The following DNAH14 variants were observed in gnomAD, a reference collection of about 807,000 sequenced individuals.
DNAH14 encodes the protein dynein axonemal heavy chain 14, also known as axonemal beta dynein heavy chain 14.
A neutral mutation model predicts 520.9 loss-of-function variants in DNAH14; 478 were observed. That is an observed-to-expected ratio of 0.92 (90% CI 0.85 to 0.99). The LOEUF (loss-of-function observed/expected upper bound fraction) is 0.99. Among genes scored for constraint, DNAH14 ranks in the 50% least tolerant of loss-of-function variants. The pLI, the probability that DNAH14 is intolerant of heterozygous loss-of-function variation, is 0.00. For missense variants in DNAH14, 4,831 were observed against 5,234.5 expected (o/e 0.92, Z 2.38); for synonymous variants, 1,581 against 1,757.2 (o/e 0.90, Z 2.51).
At chr1:225,347,458 G>A (rs2095303850) in intron 71 of DNAH14, among the ~76,000 whole-genome samples, 1 of 152,138 alleles carries the variant, frequency 6.6e-6, no homozygotes, top group Non-Finnish European at 1.5e-5. Context: ...CCCCATTACA[G>A]AGTTCCTCCC....
At chr1:225,011,758 C>CTT (rs200216236) in intron 10 of DNAH14, among the ~76,000 whole-genome samples, 5 of 82,136 alleles carry the variant, frequency 6.1e-5, no homozygotes, top group African/African-American at 3.0e-4. Context: ...GCAACCTCTG[C>CTT]TTTTTTTTTT....
chr1:225,353,805 G>A lies in DNAH14; in HGVS notation c.11536G>A (p.Glu3846Lys). The A allele has an allele frequency of 6.8e-7, 1 of 1,475,170 alleles. No individual in the cohort carries two copies. Among genetic ancestry groups the A allele is most frequent in the South Asian group, 1.3e-5 (1 of 78,932 alleles). 91.4% of individuals were successfully genotyped at this position (1,475,170 alleles called of 1,614,324 possible). A position where few individuals can be genotyped will look rare whatever the true frequency, so the allele number is the denominator to read the frequency against. Residue 3846 changes from glutamate to lysine, a missense_variant and splice_region_variant, in exon 73 of 86, where the codon GAA (glutamate) becomes AAA (lysine). Physicochemically the swap from Glu to Lys is moderately conservative, Grantham distance 56. Coordinates refer to ENST00000682510, the MANE Select transcript of DNAH14 (RefSeq NM_001367479.1). ...EENTKPPEETELLNENKETCN... is the reference protein window; with the variant it reads ...EENTKPPEETKLLNENKETCN... ...TTCTTTCTCTAAATTATATCTAGCT[G>A]AACTTTTGAATGAAAATAAAGAAAC...
intron 58 of DNAH14, among the ~76,000 whole-genome samples, chr1:225,307,212 G>C (rs2094263987): frequency 6.6e-6 from 1 of 151,980 alleles, no homozygotes; most frequent in African/African-American, 2.4e-5. Flanking sequence ...TCTATTCCTA[G>C]TTATCATGAA....
At chr1:225,073,871 C>T (rs372871324) in intron 17 of DNAH14, among the ~76,000 whole-genome samples, 8 of 151,452 alleles carry the variant, frequency 5.3e-5, no homozygotes, top group South Asian at 2.1e-4. Context: ...TTAGTAGAGA[C>T]GGGCTTTCAC....
At chr1:225,280,790 C>T (rs2093611930) in intron 54 of DNAH14, among the ~76,000 whole-genome samples, 1 of 152,114 alleles carries the variant, frequency 6.6e-6, no homozygotes, top group African/African-American at 2.4e-5. Context: ...ATAAGATTTA[C>T]AGCTGACTTC....
At chr1:225,123,318 T>C (rs2077436879) in intron 26 of DNAH14, among the ~76,000 whole-genome samples, 1 of 152,210 alleles carries the variant, frequency 6.6e-6, no homozygotes, top group African/African-American at 2.4e-5. Context: ...ATTAGAAAAG[T>C]ACAGATAATC....
chr1:224,954,592 C>T (rs957803099), intron 2 of DNAH14: 1 of 155,278 alleles, frequency 6.4e-6, no homozygotes, highest in African/African-American at 2.4e-5. Context: ...AATTCTTCAT[C>T]TCCTAAAATG....
intron 8 of DNAH14, among the ~76,000 whole-genome samples, chr1:224,974,856 G>A (rs1228420313): frequency 6.6e-6 from 1 of 152,164 alleles, no homozygotes; most frequent in African/African-American, 2.4e-5. Flanking sequence ...GATATTGGCT[G>A]TGGGTTTGTC....
In DNAH14 at chr1:224,960,302, G is replaced by T; in HGVS notation, c.367G>T (p.Glu123Ter). The T allele has an allele frequency of 6.3e-7, 1 of 1,578,202 alleles. No individual in the cohort carries two copies. The highest frequency in any genetic ancestry group is 8.6e-7 in the Non-Finnish European group (1 of 1,166,566). Residue 123 changes from glutamate to a stop codon, truncating the protein, a stop_gained and splice_region_variant, in exon 4 of 86, where the codon GAA (glutamate) becomes TAA (stop). Coordinates refer to ENST00000682510, the MANE Select transcript of DNAH14 (RefSeq NM_001367479.1). LOFTEE classifies it high-confidence loss of function. ...CAGGCCTGTGTCCTATGATAGAACA[G>T]GTATGTGGTATCACTGAACCAATTG... is the stretch of plus-strand genomic sequence containing the variant. ...KARPVSYDRTEPKDDDVIRNI... is the reference protein window; with the variant it reads ...KARPVSYDRT
intron 23 of DNAH14, among the ~76,000 whole-genome samples, chr1:225,101,206 T>A (rs563676303): frequency 7.2e-5 from 11 of 152,078 alleles, no homozygotes; most frequent in African/African-American, 2.2e-4. Flanking sequence ...AATACTTTTT[T>A]AAAATATTGT....
At chr1:225,231,369 A>G (rs1028323991) in intron 42 of DNAH14, among the ~76,000 whole-genome samples, 1 of 152,192 alleles carries the variant, frequency 6.6e-6, no homozygotes, top group Non-Finnish European at 1.5e-5. Context: ...TTATAGGAAT[A>G]CATTTGTCCA....
chr1:225,270,990 G>T (rs554675808), intron 50 of DNAH14, 124 bp downstream of exon 50: 26 of 1,044,412 alleles, frequency 2.5e-5, no homozygotes, highest in Admixed American at 5.5e-5. Context: ...TTATTTCCCC[G>T]TATGTTTTCT....
intron 8 of DNAH14, among the ~76,000 whole-genome samples, chr1:224,977,370 G>T (rs2061933975): frequency 6.6e-6 from 1 of 151,578 alleles, no homozygotes; most frequent in Non-Finnish European, 1.5e-5. Context: ...ATAGCTTTAG[G>T]AGATATACCT....
intron 12 of DNAH14, among the ~76,000 whole-genome samples, chr1:225,039,577 T>C (rs2067260767): frequency 6.7e-6 from 1 of 148,936 alleles, no homozygotes. Flanking sequence ...AAATTCTCTT[T>C]AGTATGAAAA....
At chr1:224,944,377 A>G (rs946961088) in intron 1 of DNAH14, among the ~76,000 whole-genome samples, 6 of 152,060 alleles carry the variant, frequency 3.9e-5, no homozygotes, top group African/African-American at 7.2e-5. Context: ...TTTTGAGCCT[A>G]TATGTGTCTC....
At chr1:225,026,517 A>G (rs1056158298) in intron 11 of DNAH14, among the ~76,000 whole-genome samples, 2 of 152,070 alleles carry the variant, frequency 1.3e-5, no homozygotes, top group Non-Finnish European at 1.5e-5. Flanking sequence ...GAATAACACT[A>G]TTTCTTTCTC....
intron 27 of DNAH14, among the ~76,000 whole-genome samples, chr1:225,136,485 AT>A: frequency 6.6e-6 from 1 of 152,134 alleles, no homozygotes; most frequent in African/African-American, 2.4e-5. Context: ...TTGGCCCCCA[AT>A]CTCTTCTGGC....
At chr1:224,993,619 A>T (rs1021927772) in intron 8 of DNAH14, among the ~76,000 whole-genome samples, 2 of 151,494 alleles carry the variant, frequency 1.3e-5, no homozygotes, top group Non-Finnish European at 3.0e-5. Flanking sequence ...TTTTATCTTT[A>T]AAAAAAACCT....
intron 60 of DNAH14, among the ~76,000 whole-genome samples, chr1:225,315,146 T>C (rs1364925788): frequency 1.3e-5 from 2 of 152,006 alleles, no homozygotes; most frequent in African/African-American, 4.8e-5. Context: ...TTTTTCATTC[T>C]TTTTTCTCTA....
Sources: gnomAD v4.1 joint callset for allele counts (sites outside exome capture counted in the v4.1 genomes callset) on GRCh38, gnomAD v4.1.1 for gene constraint, MANE v1.5 for transcripts, NCBI Gene and HGNC (gene_info 2026-07-23, HGNC 2026-07-21) for gene names.